The following MBD5 variants were observed in gnomAD, a reference collection of about 807,000 sequenced individuals.
MBD5 encodes methyl-CpG binding domain protein 5.
MBD5 carries 13 observed loss-of-function variants against 117.3 expected under a neutral mutation model. The observed-to-expected ratio is 0.11, with a 90% CI of 0.07 to 0.18. The LOEUF (loss-of-function observed/expected upper bound fraction) is 0.18, where lower values mean the gene tolerates loss of function less well. Among genes scored for constraint, MBD5 ranks in the 10% least tolerant of loss-of-function variants. MBD5 has a pLI of 1.00. For missense variants in MBD5, 1,879 were observed against 2,093.8 expected, an observed-to-expected ratio of 0.90 and a Z score of 2.00; for synonymous variants, 727 against 766.4, an observed-to-expected ratio of 0.95 and a Z score of 0.85.
chr2:148,276,008 G>T (rs566854705), intron 3 of MBD5, among the ~76,000 whole-genome samples: 95 of 151,548 alleles, frequency 6.3e-4, no homozygotes, highest in African/African-American at 2.1e-3. Context: ...TTATATTTTT[G>T]TTTTGACTAT....
intron 1 of MBD5, among the ~76,000 whole-genome samples, chr2:148,102,026 C>T (rs770990704): frequency 6.6e-6 from 1 of 152,106 alleles, no homozygotes; most frequent in Non-Finnish European, 1.5e-5. Context: ...CTGACTCTTT[C>T]GATTTAAAAT....
chr2:148,514,921 C>T lies in MBD5; in HGVS notation c.*1980C>T, dbSNP rs1252615988. 2.0e-5 allele frequency: 3 copies of T among 152,152 alleles called. No individual in the cohort carries two copies. The highest frequency in any genetic ancestry group is 2.1e-4 in the South Asian group (1 of 4,828). The allele number at this position is 152,152 out of a possible 1,614,324, so 9.4% of individuals were successfully genotyped here. On this transcript the variant is annotated 3_prime_UTR_variant, in exon 14 of 14. Coordinates refer to ENST00000642680, the MANE Select transcript of MBD5 (RefSeq NM_001378120.1). ...TCATGACCTCAAAGTAGGAACCCTT[C>T]GTTCTGGGGGTAGGTTCATTTTGTC...
intron 2 of MBD5, among the ~76,000 whole-genome samples, chr2:148,232,649 CTTTT>C (rs5835180): frequency 7.1e-6 from 1 of 140,702 alleles, no homozygotes; most frequent in Non-Finnish European, 1.5e-5. Context: ...GACTTTTTTT[CTTTT>C]TTTTTTTTTT....
At chr2:148,382,453 A>C (rs1704182420) in intron 4 of MBD5, among the ~76,000 whole-genome samples, 1 of 152,204 alleles carries the variant, frequency 6.6e-6, no homozygotes, top group African/African-American at 2.4e-5. Context: ...GGATTCATAA[A>C]GCAAGTCCTT....
chr2:148,233,249 A>G lies in MBD5; in HGVS notation c.-826A>G, dbSNP rs1050579064. On this transcript the variant is annotated 5_prime_UTR_variant, in exon 3 of 14. Coordinates refer to ENST00000642680, the MANE Select transcript of MBD5 (RefSeq NM_001378120.1). Reference sequence around the variant, plus strand: ...CCCTGGTATCGTTTTTAACAGGACCAAGGAAATAAATACCAGAAATCAAGA... The same window carrying G: ...CCCTGGTATCGTTTTTAACAGGACCGAGGAAATAAATACCAGAAATCAAGA... The G allele has an allele frequency of 2.0e-5, 3 of 152,230 alleles. No homozygotes were observed. Among genetic ancestry groups the G allele is most frequent in the African/African-American group, 7.2e-5 (3 of 41,480 alleles). 9.4% of individuals were successfully genotyped at this position (152,230 alleles called of 1,614,324 possible). A position where few individuals can be genotyped will look rare whatever the true frequency, so the allele number is the denominator to read the frequency against.
chr2:148,334,914 A>G (rs566306250), intron 3 of MBD5, among the ~76,000 whole-genome samples: 1 of 152,090 alleles, frequency 6.6e-6, no homozygotes, highest in Non-Finnish European at 1.5e-5. Flanking sequence ...CTGTTTATGT[A>G]TCCTATATTT....
intron 1 of MBD5, among the ~76,000 whole-genome samples, chr2:148,169,979 G>A (rs1272863937): frequency 6.6e-6 from 1 of 151,268 alleles, no homozygotes; most frequent in African/African-American, 2.4e-5. Flanking sequence ...CTCACTGCAA[G>A]CTCCGCCTCC....
intron 4 of MBD5, among the ~76,000 whole-genome samples, chr2:148,456,287 TGTG>T (rs1214888124): frequency 6.6e-5 from 10 of 152,180 alleles, no homozygotes. Context: ...TTCTGGTGCA[TGTG>T]GTCTTTTCAC....
At chr2:148,213,083 A>C (rs1699466197) in intron 2 of MBD5, among the ~76,000 whole-genome samples, 1 of 152,214 alleles carries the variant, frequency 6.6e-6, no homozygotes, top group Non-Finnish European at 1.5e-5. Context: ...GCTCTTTGAA[A>C]GCAGGAACTG....
At chr2:148,466,792 A>G (rs1419233907) in intron 7 of MBD5, among the ~76,000 whole-genome samples, 2 of 152,148 alleles carry the variant, frequency 1.3e-5, no homozygotes, top group African/African-American at 2.4e-5. Context: ...AAAATCAGAA[A>G]TTCCACATTT....
At chr2:148,073,788 A>G (rs1432772046) in intron 1 of MBD5, among the ~76,000 whole-genome samples, 1 of 152,178 alleles carries the variant, frequency 6.6e-6, no homozygotes. Context: ...ACAGCTATAA[A>G]GAAATGCCAA....
At chr2:148,100,200 C>A (rs1218837263) in intron 1 of MBD5, among the ~76,000 whole-genome samples, 1 of 152,032 alleles carries the variant, frequency 6.6e-6, no homozygotes, top group Non-Finnish European at 1.5e-5. Flanking sequence ...GAAGAATGTG[C>A]CCCAGGCTGA....
At chr2:148,216,222 A>G (rs1261567378) in intron 2 of MBD5, among the ~76,000 whole-genome samples, 1 of 152,176 alleles carries the variant, frequency 6.6e-6, no homozygotes, top group East Asian at 1.9e-4. Flanking sequence ...AAATATTAGA[A>G]GAGAAACCTG....
chr2:148,115,479 G>A (rs1385831022), intron 1 of MBD5, among the ~76,000 whole-genome samples: 1 of 152,168 alleles, frequency 6.6e-6, no homozygotes, highest in East Asian at 1.9e-4. Context: ...GAAAATGCAT[G>A]TAAGGTATTT....
At position 148,483,493 on chromosome 2, in the gene MBD5, G is replaced by A. The variant is rs773007463; in HGVS notation, c.2902G>A (p.Ala968Thr). 3.7e-6 allele frequency: 6 copies of A among 1,613,416 alleles called. No individual in the cohort carries two copies. The African/African-American group carries it at 6.7e-5, about 18-fold the overall frequency. ...LGFLNPNVNA[A>T]LAFLSSDMDG... ...TTTTCTCAACCCGAATGTAAACGCT[G>A]CTTTAGCTTTTCTCTCCAGTGACAT... The change falls in exon 9 of 14, where the codon GCT becomes ACT. Residue 968 changes from alanine (A) to threonine (T), a missense_variant. Physicochemically the swap from Ala to Thr is moderately conservative, Grantham distance 58. Coordinates refer to ENST00000642680, the MANE Select transcript of MBD5 (RefSeq NM_001378120.1).
chr2:148,128,925 C>T (rs1335381802), intron 1 of MBD5, among the ~76,000 whole-genome samples: 1 of 152,188 alleles, frequency 6.6e-6, no homozygotes, highest in Non-Finnish European at 1.5e-5. Flanking sequence ...AATGATCTGG[C>T]ATCTGATTGA....
In MBD5 at chr2:148,075,750, A is replaced by T. The variant is rs533158499; in HGVS notation, c.-925+54066A>T. Reference sequence around the variant, plus strand: ...TGAATCTATAGGCGTCTCACTCAGGATTAATAATTGATTAGACTTTTATAA... The same window carrying T: ...TGAATCTATAGGCGTCTCACTCAGGTTTAATAATTGATTAGACTTTTATAA... On this transcript the variant is annotated intron_variant, in intron 1 of 13. Transcript: ENST00000642680. 2.0e-5 allele frequency among the ~76,000 whole-genome samples: 3 copies of T among 152,082 alleles called. No homozygotes were observed. The South Asian group carries it at 6.2e-4, about 32-fold the overall frequency.
intron 4 of MBD5, among the ~76,000 whole-genome samples, chr2:148,434,090 A>C (rs1191347383): frequency 6.6e-6 from 1 of 151,778 alleles, no homozygotes; most frequent in Non-Finnish European, 1.5e-5. Context: ...CTGTTCAGGG[A>C]TTCAGTTTCA....
In MBD5 at chr2:148,309,500, T is replaced by C. The variant is rs146895831; in HGVS notation, c.-679-32714T>C. The stretch of plus-strand genomic sequence containing the variant: ...ATTTTTGCATGTTGACTTTGTATCC[T>C]GACACTTTGCTGAAGTTGCTTATCA... On this transcript the variant is annotated intron_variant, in intron 3 of 13. Coordinates refer to ENST00000642680, the MANE Select transcript of MBD5 (RefSeq NM_001378120.1). Among the ~76,000 whole-genome samples, 1,522 of 152,338 alleles carry C rather than the reference T, an allele frequency of 1.0e-2. 24 individuals are homozygous for C. The highest frequency in any genetic ancestry group is 0.035 in the African/African-American group (1,458 of 41,580).
Sources: allele counts gnomAD v4.1 joint callset (sites outside exome capture counted in the v4.1 genomes callset), GRCh38; gene constraint gnomAD v4.1.1; transcripts MANE v1.5; gene names NCBI Gene and HGNC (gene_info 2026-07-23, HGNC 2026-07-21).